Variants in EFCC1 observed in about 807,000 individuals in gnomAD.
The protein encoded by EFCC1 is EF-hand and coiled-coil domain-containing protein 1.
Under a neutral mutation model 52.1 loss-of-function variants are expected in EFCC1, and 50 were observed. The ratio of observed to expected loss-of-function variants is 0.96; its 90% CI spans 0.76 to 1.21. EFCC1 has a LOEUF of 1.21. Ranked by LOEUF, EFCC1 falls within the 50% of genes most tolerant of loss-of-function variation. The pLI, the probability that EFCC1 is intolerant of heterozygous loss-of-function variation, is 0.00. For missense variants in EFCC1, 837 were observed against 867.3 expected (o/e 0.97, Z 0.44); for synonymous variants, 399 against 396.5 (o/e 1.01, Z -0.08).
chr3:129,039,448 C>T (rs1470880655), intron 7 of EFCC1, among the ~76,000 whole-genome samples: 1 of 152,230 alleles, frequency 6.6e-6, no homozygotes, highest in Non-Finnish European at 1.5e-5. Flanking sequence ...TCGCTGTCCT[C>T]CCCAGGCACC....
rs988498588 is a variant in EFCC1 at position 129,003,717 on chromosome 3, C to G, written c.697-77C>G. ...GCTTCTGGGTGCAGAGGCATGGGGCCGCCGTCGTGGCGGGCGTTCGTCTGG... is the reference window on the plus strand; with the variant it reads ...GCTTCTGGGTGCAGAGGCATGGGGCGGCCGTCGTGGCGGGCGTTCGTCTGG... On this transcript the variant is annotated intron_variant, in intron 1 of 7. Transcript: ENST00000683648. 158 of 1,248,270 alleles carry G rather than the reference C, an allele frequency of 1.3e-4. No individual in the cohort carries two copies. The Middle Eastern group carries it at 1.5e-3, about 12-fold the overall frequency. 77.3% of individuals were successfully genotyped at this position (1,248,270 alleles called of 1,614,324 possible). A position where few individuals can be genotyped will look rare whatever the true frequency, so the allele number is the denominator to read the frequency against.
Position 129,014,513 on chromosome 3 carries a change from C to G in EFCC1, c.980+10436C>G, listed in dbSNP as rs777543395. Among the ~76,000 whole-genome samples, 4 of 152,206 alleles carry G rather than the reference C, an allele frequency of 2.6e-5. No homozygotes were observed. Among genetic ancestry groups the G allele is most frequent in the Non-Finnish European group, 5.9e-5 (4 of 68,036 alleles). On this transcript the variant is annotated intron_variant, in intron 2 of 7. Transcript: ENST00000683648. The surrounding 1 kb of genome is among the most constrained non-coding windows in gnomAD (Gnocchi z 4.3). ...TAATCCCCTCTTCTTAGAAGGACAC[C>G]AGTCAGACTGGATTAGGGCCCACCC...
chr3:129,036,993 A>T lies in EFCC1; in HGVS notation c.1469A>T (p.Lys490Met). ...TSEEEAELQQ[K>M]VEENEHLRLE... ...TCTTCCCAGGCAGAGTTGCAGCAGA[A>T]GGTGGAAGAGAATGAGCACCTGAGG... is the stretch of plus-strand genomic sequence containing the variant. Residue 490 changes from lysine to methionine, a missense_variant, in exon 6 of 8, where the codon AAG becomes ATG. Coordinates refer to ENST00000683648, the MANE Select transcript of EFCC1 (RefSeq NM_001377500.1). 6.2e-7 allele frequency: 1 copy of T among 1,613,994 alleles called. No homozygotes were observed. Among genetic ancestry groups the T allele is most frequent in the Non-Finnish European group, 8.5e-7 (1 of 1,180,002 alleles).
At chr3:129,027,705 C>G (rs2107930834) in intron 2 of EFCC1, among the ~76,000 whole-genome samples, 1 of 152,212 alleles carries the variant, frequency 6.6e-6, no homozygotes, top group African/African-American at 2.4e-5. Flanking sequence ...CCTGTAATCT[C>G]AGCACTTTCT....
At chr3:129,011,415 C>T (rs1945321603) in intron 2 of EFCC1, among the ~76,000 whole-genome samples, 1 of 151,962 alleles carries the variant, frequency 6.6e-6, no homozygotes, top group African/African-American at 2.4e-5. Flanking sequence ...GCCAGGTGTC[C>T]TGGCACGTGC....
In EFCC1 at chr3:129,014,647, C is replaced by T. The variant is rs554040229; in HGVS notation, c.980+10570C>T. Among the ~76,000 whole-genome samples the T allele has an allele frequency of 6.6e-6, 1 of 152,292 alleles. No individual in the cohort carries two copies. Among genetic ancestry groups the T allele is most frequent in the South Asian group, 2.1e-4 (1 of 4,832 alleles). ...GACATCAACATATGAATTGGGGAGA[C>T]ACAACCAGCCCATCACAGGAGACTT... On this transcript the variant is annotated intron_variant, in intron 2 of 7. Coordinates refer to ENST00000683648, the MANE Select transcript of EFCC1 (RefSeq NM_001377500.1). The surrounding 1 kb of genome is among the most constrained non-coding windows in gnomAD (Gnocchi z 4.3).
chr3:129,004,026 C>A lies in EFCC1; in HGVS notation c.929C>A (p.Pro310His). Reference sequence around the variant, plus strand: ...CTGGAGGCGCTGGCGCAACAGGTGCCCGGCTTGCAGCGCTGGGTGCGGCGG... The same window carrying A: ...CTGGAGGCGCTGGCGCAACAGGTGCACGGCTTGCAGCGCTGGGTGCGGCGG... ...RELEALAQQVPGLQRWVRRLE... is the reference protein window; with the variant it reads ...RELEALAQQVHGLQRWVRRLE... The change falls in exon 2 of 8, where the codon CCC becomes CAC. Residue 310 changes from proline to histidine, a missense_variant. By Grantham distance (77) the Pro-to-His change is moderately conservative. Transcript: ENST00000683648. The A allele has an allele frequency of 6.6e-7, 1 of 1,510,062 alleles. No individual in the cohort carries two copies. Among genetic ancestry groups the A allele is most frequent in the Non-Finnish European group, 8.8e-7 (1 of 1,136,332 alleles). The allele number at this position is 1,510,062 out of a possible 1,614,324, so 93.5% of individuals were successfully genotyped here.
chr3:129,020,454 T>C (rs1365073445), intron 2 of EFCC1, among the ~76,000 whole-genome samples: 1 of 151,998 alleles, frequency 6.6e-6, no homozygotes. Flanking sequence ...CTGGGCAACA[T>C]AGTGAGACTC....
At chr3:129,029,889 A>G (rs535236434) in intron 2 of EFCC1, among the ~76,000 whole-genome samples, 100 of 151,934 alleles carry the variant, frequency 6.6e-4, no homozygotes, top group Admixed American at 9.8e-4. Flanking sequence ...AAAAAATTAA[A>G]AAAAAAAAAA....
Position 129,039,095 on chromosome 3 carries a change from A to G in EFCC1, c.1663+195A>G, listed in dbSNP as rs552826086. 2.7e-4 allele frequency among the ~76,000 whole-genome samples: 41 copies of G among 152,360 alleles called. No individual in the cohort carries two copies. In the South Asian group the frequency reaches 8.1e-3, roughly 30 times the overall value. The stretch of plus-strand genomic sequence containing the variant: ...GAAGCCCCAGGCAGAAGTGCCAGAC[A>G]GAAGCCCAGTGAGGGGATGGGTGGG... On this transcript the variant is annotated intron_variant, in intron 7 of 7. Coordinates refer to ENST00000683648, the MANE Select transcript of EFCC1 (RefSeq NM_001377500.1).
chr3:129,027,743 G>C (rs567611185), intron 2 of EFCC1, among the ~76,000 whole-genome samples: 2 of 152,216 alleles, frequency 1.3e-5, no homozygotes, highest in East Asian at 3.9e-4. Context: ...ATCACCTCAG[G>C]TCAAGAGTTC....
Position 129,001,807 on chromosome 3 carries a change from A to G in EFCC1, c.179A>G (p.Gln60Arg). ...VLATGLDQYL[Q>R]EVFHHLDCRG... is the part of the protein sequence containing the mutation. Reference sequence around the variant, plus strand: ...GCCACCGGCCTGGACCAGTACCTGCAGGAGGTCTTCCACCACCTGGACTGC... The same window carrying G: ...GCCACCGGCCTGGACCAGTACCTGCGGGAGGTCTTCCACCACCTGGACTGC... The change falls in exon 1 of 8, where the codon CAG (glutamine) becomes CGG (arginine). Residue 60 changes from glutamine (Q) to arginine (R), a missense_variant. By Grantham distance (43) the Gln-to-Arg change is conservative (BLOSUM62 1). Transcript: ENST00000683648. 6.5e-7 allele frequency: 1 copy of G among 1,545,538 alleles called. No individual in the cohort carries two copies. Among genetic ancestry groups the G allele is most frequent in the Non-Finnish European group, 8.7e-7 (1 of 1,145,844 alleles).
In EFCC1 at chr3:129,034,172, A is replaced by G; in HGVS notation, c.1295A>G (p.Asp432Gly). 3 of 1,614,202 alleles carry G rather than the reference A, an allele frequency of 1.9e-6. No individual in the cohort carries two copies. The highest frequency in any genetic ancestry group is 2.5e-6 in the Non-Finnish European group (3 of 1,180,038). Residue 432 changes from aspartate (D) to glycine (G), a missense_variant, in exon 5 of 8, where the codon GAC becomes GGC. Physicochemically the swap from Asp to Gly is moderately conservative, Grantham distance 94 (BLOSUM62 -1). Coordinates refer to ENST00000683648, the MANE Select transcript of EFCC1 (RefSeq NM_001377500.1). Reference sequence around the variant, plus strand: ...CCTCTCCTTTGCTGCAGGTGTGATGACCAGACGGCGGAGAAGCTCATGACT... The same window carrying G: ...CCTCTCCTTTGCTGCAGGTGTGATGGCCAGACGGCGGAGAAGCTCATGACT... ...RLSSCRGRCD[D>G]QTAEKLMTYF...
intron 2 of EFCC1, among the ~76,000 whole-genome samples, chr3:129,024,558 GA>G (rs897875640): frequency 1.3e-4 from 19 of 151,832 alleles, no homozygotes; most frequent in African/African-American, 4.3e-4. Context: ...AAAAGAAAAA[GA>G]AAAACAGAAA....
chr3:129,005,521 A>G (rs1227823815), intron 2 of EFCC1, among the ~76,000 whole-genome samples: 1 of 152,254 alleles, frequency 6.6e-6, no homozygotes, highest in African/African-American at 2.4e-5. Flanking sequence ...GTTTTAAGTA[A>G]GGAGGTGACA....
rs1459067629 is a variant in EFCC1, at chr3:129,002,283, G to A, written c.655G>A (p.Ala219Thr). 22 of 1,528,822 alleles carry A rather than the reference G, an allele frequency of 1.4e-5. No homozygotes were observed. The highest frequency in any genetic ancestry group is 1.9e-5 in the Non-Finnish European group (22 of 1,144,184). The allele number at this position is 1,528,822 out of a possible 1,614,324, so 94.7% of individuals were successfully genotyped here. ...GCGCGAGTTGGTGGAGGACCTGCGC[G>A]CCGCGCTGCAGAGCAGTGATGCGCG... ...SLRELVEDLR[A>T]ALQSSDARCL... Residue 219 changes from alanine (A) to threonine (T), a missense_variant, in exon 1 of 8, where the codon GCC becomes ACC. Physicochemically the swap from Ala to Thr is moderately conservative, Grantham distance 58 (BLOSUM62 0). Coordinates refer to ENST00000683648, the MANE Select transcript of EFCC1 (RefSeq NM_001377500.1).
At chr3:129,038,619 C>T (rs1946385335) in intron 6 of EFCC1, among the ~76,000 whole-genome samples, 1 of 152,216 alleles carries the variant, frequency 6.6e-6, no homozygotes, top group African/African-American at 2.4e-5. Flanking sequence ...GGCATGGATC[C>T]TGCCCACTGC....
chr3:129,037,977 T>C (rs998008812), intron 6 of EFCC1, among the ~76,000 whole-genome samples: 4 of 151,668 alleles, frequency 2.6e-5, no homozygotes, highest in Non-Finnish European at 5.9e-5. Context: ...GGTGGGAGGA[T>C]TGCCAAAGTC....
At chr3:129,037,163 T>G in intron 6 of EFCC1, 46 bp downstream of exon 6, 2 of 1,549,216 alleles carry the variant, frequency 1.3e-6, no homozygotes, top group Non-Finnish European at 1.7e-6. Flanking sequence ...GGAAAGGAGC[T>G]CTTGGGAGGG....
Sources: allele counts gnomAD v4.1 joint callset (sites outside exome capture counted in the v4.1 genomes callset), GRCh38; gene constraint gnomAD v4.1.1; non-coding constraint Gnocchi (gnomAD v3.1); transcripts MANE v1.5; gene names NCBI Gene and HGNC (gene_info 2026-07-23, HGNC 2026-07-21).